The following OSBPL3 variants were observed in gnomAD, a reference collection of about 807,000 sequenced individuals.
The protein encoded by OSBPL3 is oxysterol binding protein like 3, also known as oxysterol-binding protein-related protein 3.
A neutral mutation model predicts 120.1 loss-of-function variants in OSBPL3; 65 were observed. The observed-to-expected ratio is 0.54, with a 90% CI of 0.44 to 0.67. The LOEUF (loss-of-function observed/expected upper bound fraction) is 0.67. Ranked by LOEUF, OSBPL3 falls within the 30% of genes least tolerant of loss-of-function variation. The probability of loss-of-function intolerance (pLI) is 0.00; values close to 1 mark genes in which losing one functional copy is unlikely to be tolerated. For synonymous variants in OSBPL3, 416 were observed against 402.6 expected (o/e 1.03, Z -0.40); for missense variants, 1,004 against 1,082.1 (o/e 0.93, Z 1.01).
chr7:24,807,585 T>A (rs1793224098), intron 20 of OSBPL3, among the ~76,000 whole-genome samples: 1 of 152,236 alleles, frequency 6.6e-6, no homozygotes, highest in Admixed American at 6.5e-5. Context: ...CTCTAGAGAA[T>A]CTGTTTTTGA....
At chr7:24,888,930 C>T (rs1438238238) in intron 2 of OSBPL3, among the ~76,000 whole-genome samples, 1 of 152,102 alleles carries the variant, frequency 6.6e-6, no homozygotes, top group African/African-American at 2.4e-5. Context: ...TTTAAAAAAC[C>T]ATGTCTTCCA....
chr7:24,853,193 T>G (rs1388415767), intron 10 of OSBPL3, among the ~76,000 whole-genome samples: 1 of 152,206 alleles, frequency 6.6e-6, no homozygotes, highest in African/African-American at 2.4e-5. Flanking sequence ...ACAAAGCTTA[T>G]TGGTTTTCCA....
At chr7:24,948,879 T>C (rs1814053772) in intron 1 of OSBPL3, among the ~76,000 whole-genome samples, 7 of 152,236 alleles carry the variant, frequency 4.6e-5, no homozygotes. Flanking sequence ...TTGTTCGTAA[T>C]AACAACACTG....
rs113612398 is a variant in OSBPL3 at position 24,916,918 on chromosome 7, A to ACCCCC, written c.-149-24302_-149-24298dup. 1.9e-4 allele frequency among the ~76,000 whole-genome samples: 28 copies of ACCCCC among 145,704 alleles called. No homozygotes were observed. The highest frequency in any genetic ancestry group is 5.5e-4 in the African/African-American group (22 of 40,020). ...AGCCACTAAGACGTCTTCCATTTCC[A>ACCCCC]CCCCCCCCAACCTTTTTAGAAAATT... is the stretch of plus-strand genomic sequence containing the variant. On this transcript the variant is annotated intron_variant, in intron 1 of 22. Transcript: ENST00000313367. This position sits in a 1 kb window ranked among gnomAD's most constrained non-coding sequence, Gnocchi z 4.9.
Position 24,916,433 on chromosome 7 carries a change from T to A in OSBPL3, c.-149-23812A>T, listed in dbSNP as rs1809557540. ...TTTTACTTTCTCCTTTGAACTTTTT[T>A]TTCTTTTGCCTAATTTTTTTTAATT... is the stretch of plus-strand genomic sequence containing the variant. On this transcript the variant is annotated intron_variant, in intron 1 of 22. Coordinates refer to ENST00000313367, the MANE Select transcript of OSBPL3 (RefSeq NM_015550.4). This position sits in a 1 kb window ranked among gnomAD's most constrained non-coding sequence, Gnocchi z 4.9. Among the ~76,000 whole-genome samples, 1 of 152,164 alleles carries A rather than the reference T, an allele frequency of 6.6e-6. No homozygotes were observed. Among genetic ancestry groups the A allele is most frequent in the Admixed American group, 6.5e-5 (1 of 15,280 alleles).
In OSBPL3 at chr7:24,863,352, A is replaced by C; in HGVS notation, c.778-60T>G. The C allele has an allele frequency of 1.3e-6, 2 of 1,485,296 alleles. No homozygotes were observed. Among genetic ancestry groups the C allele is most frequent in the Admixed American group, 3.3e-5 (2 of 59,862 alleles). The allele number at this position is 1,485,296 out of a possible 1,614,324, so 92.0% of individuals were successfully genotyped here. A position where few individuals can be genotyped will look rare whatever the true frequency, so the allele number is the denominator to read the frequency against. On this transcript the variant is annotated intron_variant, in intron 8 of 22. Coordinates refer to ENST00000313367, the MANE Select transcript of OSBPL3 (RefSeq NM_015550.4). This position sits in a 1 kb window ranked among gnomAD's most constrained non-coding sequence, Gnocchi z 5.8. ...TAAAGTCCACCAAACCGACAAGGAT[A>C]AATGCATAGCAAAGTGACCACCTCC...
chr7:24,909,113 T>C (rs918058315), intron 1 of OSBPL3, among the ~76,000 whole-genome samples: 1 of 152,224 alleles, frequency 6.6e-6, no homozygotes, highest in Non-Finnish European at 1.5e-5. Flanking sequence ...TTAGAGTGTT[T>C]TTACCCAAAC....
intron 1 of OSBPL3, among the ~76,000 whole-genome samples, chr7:24,949,322 A>G (rs1397640582): frequency 6.6e-6 from 1 of 152,180 alleles, no homozygotes; most frequent in Admixed American, 6.5e-5. Context: ...TCATATTTTA[A>G]TATCTCTGAC....
At chr7:24,826,409 G>C (rs1346253806) in intron 16 of OSBPL3, among the ~76,000 whole-genome samples, 2 of 152,152 alleles carry the variant, frequency 1.3e-5, no homozygotes, top group African/African-American at 4.8e-5. Flanking sequence ...GGAGAACAAA[G>C]TCCTATGTGA....
chr7:24,908,034 G>C (rs1231241607), intron 1 of OSBPL3, among the ~76,000 whole-genome samples: 1 of 152,172 alleles, frequency 6.6e-6, no homozygotes, highest in East Asian at 1.9e-4. Flanking sequence ...GAATATTTCA[G>C]CTATTCCTTC....
chr7:24,910,571 C>T (rs1350911142), intron 1 of OSBPL3, among the ~76,000 whole-genome samples: 2 of 152,222 alleles, frequency 1.3e-5, no homozygotes, highest in Non-Finnish European at 2.9e-5. Context: ...GTGTCCACTG[C>T]TGTGCTAACC....
In OSBPL3 at chr7:24,891,948, C is replaced by T. The variant is rs1805412414; in HGVS notation, c.96+429G>A. On this transcript the variant is annotated intron_variant, in intron 2 of 22. Coordinates refer to ENST00000313367, the MANE Select transcript of OSBPL3 (RefSeq NM_015550.4). The surrounding 1 kb of genome is among the most constrained non-coding windows in gnomAD (Gnocchi z 4.1). ...AAGTTGGGGTGGATATTATAATTAC[C>T]AGAAAAATGATTGATTGTTTTTTTG... Among the ~76,000 whole-genome samples the T allele has an allele frequency of 6.6e-6, 1 of 152,074 alleles. No homozygotes were observed. Among genetic ancestry groups the T allele is most frequent in the Non-Finnish European group, 1.5e-5 (1 of 68,014 alleles).
Position 24,870,828 on chromosome 7 carries a change from C to T in OSBPL3, c.285G>A (p.Leu95=), listed in dbSNP as rs780099566. The stretch of plus-strand genomic sequence containing the variant: ...AGAGCCCGACATCAATGCAGCCATG[C>T]AGCTTCTCTCTCTCTATCTGCAGAG... ...KSQTDIEREK[L]HGCIDVGLSV... The change falls in exon 5 of 23, where the codon CTG becomes CTA. Residue 95 remains leucine (L), a synonymous_variant. Transcript: ENST00000313367. 2 of 1,612,796 alleles carry T rather than the reference C, an allele frequency of 1.2e-6. No individual in the cohort carries two copies. The highest frequency in any genetic ancestry group is 1.1e-5 in the South Asian group (1 of 91,064).
chr7:24,969,771 T>C (rs1391236696), intron 1 of OSBPL3, among the ~76,000 whole-genome samples: 1 of 152,194 alleles, frequency 6.6e-6, no homozygotes, highest in Non-Finnish European at 1.5e-5. Context: ...CCTCTCACTG[T>C]GACCATCCCA....
chr7:24,887,247 G>A (rs17150445), intron 2 of OSBPL3, among the ~76,000 whole-genome samples: 19,306 of 152,166 alleles, frequency 0.13, 1,868 homozygotes, highest in East Asian at 0.51. Context: ...AGACAGTCAG[G>A]AGGGACCAAC....
chr7:24,909,270 G>T (rs902223189), intron 1 of OSBPL3, among the ~76,000 whole-genome samples: 2 of 152,164 alleles, frequency 1.3e-5, no homozygotes, highest in African/African-American at 4.8e-5. Flanking sequence ...CTAATAAGAG[G>T]CTTTCACTTC....
rs1281746422 is a variant in OSBPL3 at position 24,827,955 on chromosome 7, C to T, written c.1884+2813G>A. Among the ~76,000 whole-genome samples, 2 of 152,144 alleles carry T rather than the reference C, an allele frequency of 1.3e-5. No homozygotes were observed. Among genetic ancestry groups the T allele is most frequent in the East Asian group, 1.9e-4 (1 of 5,200 alleles). On this transcript the variant is annotated intron_variant, in intron 16 of 22. Transcript: ENST00000313367. This position sits in a 1 kb window ranked among gnomAD's most constrained non-coding sequence, Gnocchi z 5.1. ...AGAAAGTATATATTATAGATATATGCCTTTCTAGTTTTCTTTCATCAAGTC... is the reference window on the plus strand; with the variant it reads ...AGAAAGTATATATTATAGATATATGTCTTTCTAGTTTTCTTTCATCAAGTC...
At chr7:24,882,993 T>C (rs951748984) in intron 2 of OSBPL3, among the ~76,000 whole-genome samples, 1 of 152,220 alleles carries the variant, frequency 6.6e-6, no homozygotes, top group Non-Finnish European at 1.5e-5. Context: ...GTTGGAAGCA[T>C]AGTTTGCAAA....
chr7:24,972,455 A>G lies in OSBPL3; in HGVS notation c.-150+7431T>C, dbSNP rs1221005557. 2.6e-5 allele frequency among the ~76,000 whole-genome samples: 4 copies of G among 152,190 alleles called. No individual in the cohort carries two copies. Among genetic ancestry groups the G allele is most frequent in the Non-Finnish European group, 5.9e-5 (4 of 68,030 alleles). ...GCCAGACTCATTCCCTTTGAGCCACATCTCCCCACTGTAATTAATGAATTC... is the reference window on the plus strand; with the variant it reads ...GCCAGACTCATTCCCTTTGAGCCACGTCTCCCCACTGTAATTAATGAATTC... On this transcript the variant is annotated intron_variant, in intron 1 of 22. Coordinates refer to ENST00000313367, the MANE Select transcript of OSBPL3 (RefSeq NM_015550.4). This position sits in a 1 kb window ranked among gnomAD's most constrained non-coding sequence, Gnocchi z 4.3.
Sources: allele counts gnomAD v4.1 joint callset (sites outside exome capture counted in the v4.1 genomes callset), GRCh38; gene constraint gnomAD v4.1.1; non-coding constraint Gnocchi (gnomAD v3.1); transcripts MANE v1.5; gene names NCBI Gene and HGNC (gene_info 2026-07-23, HGNC 2026-07-21).